Variants in BAZ1B observed in about 807,000 individuals in gnomAD.
BAZ1B encodes tyrosine-protein kinase BAZ1B.
In BAZ1B, 22 loss-of-function variants were observed where a neutral mutation model predicts 153.8. The ratio of observed to expected loss-of-function variants is 0.14; its 90% CI spans 0.10 to 0.20. The LOEUF (loss-of-function observed/expected upper bound fraction) is 0.20, where lower values mean the gene tolerates loss of function less well. Ranked by LOEUF, BAZ1B falls within the 10% of genes least tolerant of loss-of-function variation. The pLI is 1.00. For missense variants in BAZ1B, 1,325 were observed against 1,799.3 expected (o/e 0.74, Z 4.77); for synonymous variants, 676 against 633.4 (o/e 1.07, Z -1.01).
chr7:73,501,081 G>A (rs1250029104), intron 3 of BAZ1B, among the ~76,000 whole-genome samples: 1 of 151,736 alleles, frequency 6.6e-6, no homozygotes, highest in Non-Finnish European at 1.5e-5. Context: ...ACATGGAGAA[G>A]CCCCGTCTCT....
At chr7:73,459,794 A>C in intron 12 of BAZ1B, 76 bp from the exon 13 acceptor site, 1 of 1,308,734 alleles carries the variant, frequency 7.6e-7, no homozygotes, top group South Asian at 1.4e-5. Context: ...TCAAATTCAA[A>C]TAAATCTAGA....
chr7:73,470,616 A>G (rs1788766670), intron 7 of BAZ1B, 133 bp from the exon 8 acceptor site: 1 of 1,072,320 alleles, frequency 9.3e-7, no homozygotes, highest in Admixed American at 2.8e-5. Flanking sequence ...CTCTAATTCT[A>G]ATCTGTTACA....
intron 3 of BAZ1B, among the ~76,000 whole-genome samples, chr7:73,505,306 G>C (rs1220468955): frequency 6.6e-6 from 1 of 152,104 alleles, no homozygotes; most frequent in Non-Finnish European, 1.5e-5. Context: ...CAACTCAGGG[G>C]ACAGCAAAGC....
chr7:73,448,931 G>C (rs368125696), intron 15 of BAZ1B, among the ~76,000 whole-genome samples: 1 of 152,206 alleles, frequency 6.6e-6, no homozygotes, highest in East Asian at 1.9e-4. Context: ...GGGTGGATAA[G>C]AGGGGAGAAG....
In BAZ1B at chr7:73,489,103, TTC is replaced by T; in HGVS notation, c.891+89_891+90del. The T allele has an allele frequency of 7.5e-6, 10 of 1,341,726 alleles. No individual in the cohort carries two copies. In the South Asian group the frequency reaches 1.4e-4, roughly 18 times the overall value. 83.1% of individuals were successfully genotyped at this position (1,341,726 alleles called of 1,614,324 possible). On this transcript the variant is annotated intron_variant, in intron 6 of 19. Transcript: ENST00000339594. ...TTTAATTCATTATCTGATGTTAGAG[TTC>T]AAAACCTGCTATAAATATAAATATA...
intron 2 of BAZ1B, among the ~76,000 whole-genome samples, 175 bp from the exon 3 acceptor site, chr7:73,508,646 G>C (rs781845428): frequency 6.6e-6 from 1 of 152,084 alleles, no homozygotes; most frequent in Non-Finnish European, 1.5e-5. Flanking sequence ...CCACCTCCTG[G>C]GCTCGAACAA....
At position 73,449,584 on chromosome 7, in the gene BAZ1B, G is replaced by A; in HGVS notation, c.3686C>T (p.Pro1229Leu). ...YEVPDGEWQC[P>L]ACQPATARRN... The stretch of plus-strand genomic sequence containing the variant: ...CCTGGCAGTAGCGGGCTGGCAAGCT[G>A]GGCACTGCCACTCACCATCTGGTAC... Residue 1229 changes from proline to leucine, a missense_variant, in exon 15 of 20, where the codon CCA becomes CTA. Around this residue, in one of 9 missense-constraint regions of BAZ1B, gnomAD observed 271 missense variants for 337.2 expected, o/e 0.80. Transcript: ENST00000339594. 6.2e-7 allele frequency: 1 copy of A among 1,614,044 alleles called. No individual in the cohort carries two copies.
At chr7:73,486,733 T>C (rs1475176159) in intron 6 of BAZ1B, among the ~76,000 whole-genome samples, 2 of 152,202 alleles carry the variant, frequency 1.3e-5, no homozygotes, top group Non-Finnish European at 2.9e-5. Context: ...CCAAAGAGTA[T>C]ACAGAGAGAG....
At position 73,450,754 on chromosome 7, in the gene BAZ1B, T is replaced by C. The variant is rs1788003317; in HGVS notation, c.3580+93A>G. Reference sequence around the variant, plus strand: ...ATCTATACCACACTTATATTCTGTGTACACAAAATTCTTTTGGGTAGAAAT... The same window carrying C: ...ATCTATACCACACTTATATTCTGTGCACACAAAATTCTTTTGGGTAGAAAT... On this transcript the variant is annotated intron_variant, in intron 14 of 19. Coordinates refer to ENST00000339594, the MANE Select transcript of BAZ1B (RefSeq NM_032408.4). This position sits in a 1 kb window ranked among gnomAD's most constrained non-coding sequence, Gnocchi z 4.1. The C allele has an allele frequency of 1.4e-6, 2 of 1,442,552 alleles. No homozygotes were observed. Among genetic ancestry groups the C allele is most frequent in the Non-Finnish European group, 9.6e-7 (1 of 1,042,254 alleles). The allele number at this position is 1,442,552 out of a possible 1,614,324, so 89.4% of individuals were successfully genotyped here. A position where few individuals can be genotyped will look rare whatever the true frequency, so the allele number is the denominator to read the frequency against.
intron 7 of BAZ1B, among the ~76,000 whole-genome samples, chr7:73,476,128 T>C (rs2116333328): frequency 6.6e-6 from 1 of 152,088 alleles, no homozygotes; most frequent in Middle Eastern, 3.4e-3. Flanking sequence ...AGAGACAAAG[T>C]AGACTAGTGG....
intron 6 of BAZ1B, among the ~76,000 whole-genome samples, chr7:73,482,014 G>C (rs1333562042): frequency 6.6e-6 from 1 of 152,180 alleles, no homozygotes; most frequent in Non-Finnish European, 1.5e-5. Context: ...ACTCTGGCCT[G>C]GGAGAAAGAG....
At chr7:73,459,813 C>A in intron 12 of BAZ1B, 95 bp from the exon 13 acceptor site, 1 of 1,098,324 alleles carries the variant, frequency 9.1e-7, no homozygotes. Context: ...GACTCAAATG[C>A]CACATAACAT....
chr7:73,513,695 A>G (rs1790677371), intron 1 of BAZ1B, among the ~76,000 whole-genome samples: 1 of 152,186 alleles, frequency 6.6e-6, no homozygotes, highest in Non-Finnish European at 1.5e-5. Context: ...GACTTATTTA[A>G]GCTTTCAAAA....
Position 73,477,445 on chromosome 7 carries a change from A to C in BAZ1B, c.2016T>G (p.Gly672=), listed in dbSNP as rs1285823708. ...LLQDEIAEDY[G]ELGMKLSEIP... ...TTTCCGACAGCTTCATTCCCAATTC[A>C]CCATAGTCTTCTGCTATCTCATCTT... is the stretch of plus-strand genomic sequence containing the variant. The change falls in exon 7 of 20, where the codon GGT becomes GGG. Residue 672 remains glycine, a synonymous_variant. Transcript: ENST00000339594. This position sits in a 1 kb window ranked among gnomAD's most constrained non-coding sequence, Gnocchi z 5.6. 9 of 1,614,038 alleles carry C rather than the reference A, an allele frequency of 5.6e-6. No individual in the cohort carries two copies. Among genetic ancestry groups the C allele is most frequent in the Non-Finnish European group, 7.6e-6 (9 of 1,180,046 alleles).
In BAZ1B at chr7:73,497,524, A is replaced by G. The variant is rs182198939; in HGVS notation, c.571+973T>C. Among the ~76,000 whole-genome samples, 354 of 151,854 alleles carry G rather than the reference A, an allele frequency of 2.3e-3. 2 individuals are homozygous for G. The highest frequency in any genetic ancestry group is 8.4e-3 in the African/African-American group (348 of 41,552). ...TATATATTTTATGGTAGCAAATGAT[A>G]GACTAGTATCTACATGTATTTTATG... On this transcript the variant is annotated intron_variant, in intron 4 of 19. Coordinates refer to ENST00000339594, the MANE Select transcript of BAZ1B (RefSeq NM_032408.4).
intron 13 of BAZ1B, among the ~76,000 whole-genome samples, chr7:73,453,883 G>A (rs1427166918): frequency 3.9e-5 from 6 of 152,266 alleles, no homozygotes; most frequent in Middle Eastern, 3.4e-3. Context: ...GGAGGCTGAA[G>A]TAGAAGGACA....
chr7:73,449,191 T>C (rs1787942831), intron 15 of BAZ1B, among the ~76,000 whole-genome samples: 1 of 152,078 alleles, frequency 6.6e-6, no homozygotes, highest in Non-Finnish European at 1.5e-5. Context: ...GTAAGGAAGG[T>C]AATGAGTGTG....
chr7:73,488,955 T>C (rs1428870186), intron 6 of BAZ1B, among the ~76,000 whole-genome samples: 2 of 152,170 alleles, frequency 1.3e-5, no homozygotes, highest in African/African-American at 4.8e-5. Context: ...CACATGTATA[T>C]AGACTTTTAA....
chr7:73,468,983 A>G (rs1788696069), intron 9 of BAZ1B, among the ~76,000 whole-genome samples: 1 of 152,174 alleles, frequency 6.6e-6, no homozygotes, highest in South Asian at 2.1e-4. Flanking sequence ...TACAAAAATT[A>G]GCCAGATGTG....
Sources: gnomAD v4.1 joint callset for allele counts (sites outside exome capture counted in the v4.1 genomes callset) on GRCh38, gnomAD v4.1.1 for gene constraint, gnomAD v4.1.1 regional missense constraint, Gnocchi (gnomAD v3.1) non-coding constraint, MANE v1.5 for transcripts, NCBI Gene and HGNC (gene_info 2026-07-23, HGNC 2026-07-21) for gene names.